JCAD: variants seen among roughly 807,000 people sequenced by gnomAD.
JCAD encodes junctional cadherin 5-associated protein.
JCAD carries 40 observed loss-of-function variants against 98.0 expected under a neutral mutation model. The observed-to-expected ratio is 0.41, with a 90% CI of 0.32 to 0.53. The LOEUF (loss-of-function observed/expected upper bound fraction) is 0.53, where lower values mean the gene tolerates loss of function less well. JCAD is among the 20% of genes least tolerant of loss of function. The pLI, the probability that JCAD is intolerant of heterozygous loss-of-function variation, is 0.31. For synonymous variants in JCAD, 691 were observed against 682.3 expected (o/e 1.01, Z -0.20); for missense variants, 1,705 against 1,738.1 (o/e 0.98, Z 0.34).
upstream of JCAD, among the ~76,000 whole-genome samples, chr10:30,059,726 G>C (rs1282437842): frequency 6.6e-6 from 1 of 152,140 alleles, no homozygotes; most frequent in Non-Finnish European, 1.5e-5. The surrounding 1 kb of genome is among the most constrained non-coding windows in gnomAD (Gnocchi z 5.0). Flanking sequence ...CGCGCAGAAG[G>C]CACAAGTGAG....
Position 30,027,179 on chromosome 10 carries a change from G to C in JCAD, c.2969C>G (p.Ala990Gly). Residue 990 changes from alanine to glycine, a missense_variant, in exon 3 of 4, where the codon GCG becomes GGG. Physicochemically the swap from Ala to Gly is moderately conservative, Grantham distance 60 (BLOSUM62 0). This residue lies in a region of JCAD where 1,278 missense variants were observed against 1,243.1 expected (regional missense o/e 1.03). Transcript: ENST00000375377. ...SRSSDAKPLP[A>G]SYPAEPREPQ... is the part of the protein sequence containing the mutation. ...CTCCCTAGGTTCAGCTGGATAGGAC[G>C]CGGGCAGTGGTTTTGCGTCACTTGA... 2 of 1,614,168 alleles carry C rather than the reference G, an allele frequency of 1.2e-6. No individual in the cohort carries two copies. The highest frequency in any genetic ancestry group is 1.1e-5 in the South Asian group (1 of 91,086).
At chr10:30,112,294 T>C (rs939932964) in intron 1 of JCAD, among the ~76,000 whole-genome samples, 6 of 151,652 alleles carry the variant, frequency 4.0e-5, no homozygotes, top group Admixed American at 3.9e-4. Context: ...GGCAACAAAA[T>C]GAGACCCTGT....
chr10:30,073,610 T>C (rs545139156), intron 1 of JCAD, among the ~76,000 whole-genome samples: 1 of 152,218 alleles, frequency 6.6e-6, no homozygotes, highest in South Asian at 2.1e-4. Flanking sequence ...GAAAGACCAT[T>C]CCATTTAGCA....
At chr10:30,106,702 T>C (rs1280653359) in intron 1 of JCAD, among the ~76,000 whole-genome samples, 4 of 152,176 alleles carry the variant, frequency 2.6e-5, no homozygotes, top group Non-Finnish European at 5.9e-5. Context: ...AGTTTCACCA[T>C]GTTGGCCAGG....
intron 1 of JCAD, among the ~76,000 whole-genome samples, chr10:30,107,466 T>C (rs117933341): frequency 0.018 from 2,798 of 152,288 alleles, 43 homozygotes; most frequent in Middle Eastern, 0.041. Context: ...CCCTATATGA[T>C]CTAAAAAGGG....
In JCAD at chr10:30,026,262, C is replaced by A. The variant is rs747645573; in HGVS notation, c.3886G>T (p.Ala1296Ser). ...EELKATTRGQ[A>S]GLPGGLVSPG... The stretch of plus-strand genomic sequence containing the variant: ...GACACAAGGCCTCCCGGGAGCCCGG[C>A]CTGGCCCCTTGTGGTGGCCTTCAAT... Residue 1296 changes from alanine to serine, a missense_variant, in exon 3 of 4, where the codon GCC becomes TCC. By Grantham distance (99) the Ala-to-Ser change is moderately conservative. Coordinates refer to ENST00000375377, the MANE Select transcript of JCAD (RefSeq NM_020848.4). 40 of 1,613,814 alleles carry A rather than the reference C, an allele frequency of 2.5e-5. No homozygotes were observed. In the South Asian group the frequency reaches 4.2e-4, roughly 17 times the overall value.
chr10:30,019,989 TA>T (rs71023538), intron 3 of JCAD, among the ~76,000 whole-genome samples: 2,430 of 133,646 alleles, frequency 0.018, 13 homozygotes, highest in Middle Eastern at 0.038. Flanking sequence ...GTGATTCACT[TA>T]AAAAAAAAAA....
At chr10:30,020,771 A>C (rs1836646184) in intron 3 of JCAD, among the ~76,000 whole-genome samples, 1 of 152,210 alleles carries the variant, frequency 6.6e-6, no homozygotes, top group South Asian at 2.1e-4. Flanking sequence ...TCACATTCTG[A>C]GAGGGTCCTC....
intron 2 of JCAD, among the ~76,000 whole-genome samples, chr10:30,040,273 C>T (rs924551577): frequency 7.2e-5 from 11 of 152,308 alleles, no homozygotes; most frequent in African/African-American, 4.8e-5. Flanking sequence ...TTCCACAATA[C>T]GGATGCAGAA....
chr10:30,042,412 CG>C (rs1837260384), intron 2 of JCAD, among the ~76,000 whole-genome samples: 1 of 152,066 alleles, frequency 6.6e-6, no homozygotes. Context: ...AAGCATCCAC[CG>C]GCTGTCTGAA....
intron 2 of JCAD, among the ~76,000 whole-genome samples, chr10:30,046,069 A>G (rs1837329361): frequency 6.6e-6 from 1 of 152,176 alleles, no homozygotes; most frequent in Admixed American, 6.5e-5. Context: ...TTTTTCTTAA[A>G]GAAAGGTCCC....
At chr10:30,113,621 T>A (rs1250495111) in intron 1 of JCAD, among the ~76,000 whole-genome samples, 1 of 130,850 alleles carries the variant, frequency 7.6e-6, no homozygotes, top group Non-Finnish European at 1.6e-5. Context: ...GACAGATGGC[T>A]CAGAGCAGCA....
rs1837655195 is a variant in JCAD, at chr10:30,059,382, T to C, written c.-60+100A>G. The C allele has an allele frequency of 6.6e-6, 1 of 150,938 alleles. No individual in the cohort carries two copies. Among genetic ancestry groups the C allele is most frequent in the Non-Finnish European group, 1.5e-5 (1 of 67,804 alleles). 9.3% of individuals were successfully genotyped at this position (150,938 alleles called of 1,614,324 possible). ...CGGAGCGACGTCCCAGCTGGAGAAG[T>C]TGGGGGGAGTGCGGGAGGCTGCGGG... On this transcript the variant is annotated intron_variant, in intron 1 of 3. Transcript: ENST00000375377. This position sits in a 1 kb window ranked among gnomAD's most constrained non-coding sequence, Gnocchi z 5.0.
chr10:30,077,838 C>A (rs556798794), intron 1 of JCAD, among the ~76,000 whole-genome samples: 12 of 152,204 alleles, frequency 7.9e-5, no homozygotes, highest in Non-Finnish European at 1.6e-4. Context: ...GTTTTCTCCA[C>A]CTTTGGCCGT....
chr10:30,092,050 AAAAAAAAAAAAAAAATAT>A (rs1279963983), intron 1 of JCAD, among the ~76,000 whole-genome samples: 802 of 30,356 alleles, frequency 0.026, 11 homozygotes, highest in African/African-American at 0.051. Context: ...AAAAAAAAAA[AAAAAAAAAAAAAAAATAT>A]ATATATATAT....
Position 30,027,139 on chromosome 10 carries a change from C to T in JCAD, c.3009G>A (p.Pro1003=), listed in dbSNP as rs1292153799. The T allele has an allele frequency of 3.1e-6, 5 of 1,614,080 alleles. No individual in the cohort carries two copies. The highest frequency in any genetic ancestry group is 2.2e-5 in the East Asian group (1 of 44,898). Residue 1003 remains proline (P), a synonymous_variant, in exon 3 of 4, where the codon CCG becomes CCA. Coordinates refer to ENST00000375377, the MANE Select transcript of JCAD (RefSeq NM_020848.4). ...PAEPREPQES[P]KITSAFSSVK... ...CAGAGCTGAAAGCACTGGTGATTTTCGGACTTTCCTGGGGCTCCCTAGGTT... is the reference window on the plus strand; with the variant it reads ...CAGAGCTGAAAGCACTGGTGATTTTTGGACTTTCCTGGGGCTCCCTAGGTT...
At chr10:30,095,313 T>G (rs1838351484) in intron 1 of JCAD, among the ~76,000 whole-genome samples, 2 of 152,242 alleles carry the variant, frequency 1.3e-5, no homozygotes. Flanking sequence ...AGATATTTAC[T>G]GATCATTAAA....
chr10:30,066,963 C>T (rs1007157424), intron 2 of JCAD, among the ~76,000 whole-genome samples: 4 of 152,106 alleles, frequency 2.6e-5, no homozygotes, highest in South Asian at 4.1e-4. Context: ...CATCACTGCA[C>T]TCCAGCCTGG....
At chr10:30,021,904 T>A (rs1589675345) in intron 3 of JCAD, among the ~76,000 whole-genome samples, 1 of 152,330 alleles carries the variant, frequency 6.6e-6, no homozygotes, top group East Asian at 1.9e-4. Context: ...TGTGCTAACA[T>A]CTAGCCTTCT....
Sources: allele counts gnomAD v4.1 joint callset (sites outside exome capture counted in the v4.1 genomes callset), GRCh38; gene constraint gnomAD v4.1.1; regional missense constraint gnomAD v4.1.1; non-coding constraint Gnocchi (gnomAD v3.1); transcripts MANE v1.5; gene names NCBI Gene and HGNC (gene_info 2026-07-23, HGNC 2026-07-21).